CENPQ: variants seen among roughly 807,000 people sequenced by gnomAD.
CENPQ encodes the protein centromere protein Q.
In CENPQ, 27 loss-of-function variants were observed where a neutral mutation model predicts 36.6. The observed-to-expected ratio is 0.74, with a 90% CI of 0.54 to 1.02. The LOEUF (loss-of-function observed/expected upper bound fraction) is 1.02. CENPQ is among the 50% of genes least tolerant of loss of function. The pLI, the probability that CENPQ is intolerant of heterozygous loss-of-function variation, is 0.00. For synonymous variants in CENPQ, 101 were observed against 101.7 expected (o/e 0.99, Z 0.04); for missense variants, 306 against 301.8 (o/e 1.01, Z -0.10).
At chr6:49,471,388 T>G (rs1768129805) in intron 3 of CENPQ, among the ~76,000 whole-genome samples, 2 of 152,198 alleles carry the variant, frequency 1.3e-5, no homozygotes, top group South Asian at 4.1e-4. Context: ...GGAACCATTA[T>G]TATAAGTTTG....
At chr6:49,471,609 G>T (rs758800425) in intron 3 of CENPQ, among the ~76,000 whole-genome samples, 1 of 152,000 alleles carries the variant, frequency 6.6e-6, no homozygotes, top group African/African-American at 2.4e-5. Context: ...ATGAGATCCA[G>T]TACTATTTCT....
intron 6 of CENPQ, among the ~76,000 whole-genome samples, chr6:49,483,206 T>G (rs951404061): frequency 1.3e-5 from 2 of 151,640 alleles, no homozygotes; most frequent in Non-Finnish European, 2.9e-5. Flanking sequence ...GAATGGTGCA[T>G]TCACAAACCC....
At chr6:49,468,604 CAAGT>C (rs1385154108) in intron 1 of CENPQ, among the ~76,000 whole-genome samples, 2 of 151,948 alleles carry the variant, frequency 1.3e-5, no homozygotes, top group East Asian at 1.9e-4. Flanking sequence ...AAAAAAAAAG[CAAGT>C]GTTTCTAAGC....
rs541811843 is a variant in CENPQ, at chr6:49,487,168, A to AAAAAAAGATGGTCCTGAGTTG, written c.478-1183_478-1182insAAAAAGATGGTCCTGAGTTGA. Among the ~76,000 whole-genome samples the AAAAAAAGATGGTCCTGAGTTG allele has an allele frequency of 1.8e-4, 13 of 72,352 alleles. 3 individuals are homozygous for AAAAAAAGATGGTCCTGAGTTG. The highest frequency in any genetic ancestry group is 4.7e-4 in the African/African-American group (10 of 21,468). 47.5% of individuals were successfully genotyped at this position (72,352 alleles called of 152,430 possible). On this transcript the variant is annotated intron_variant, in intron 6 of 8. Transcript: ENST00000335783. ...AACTCCATCTCAAAAAAAAAAAAAA[A>AAAAAAAGATGGTCCTGAGTTG]ATAAAAAAAATAAAAACAGAGTCTG...
At chr6:49,489,849 G>T (rs767430463) in intron 8 of CENPQ, among the ~76,000 whole-genome samples, 3 of 152,186 alleles carry the variant, frequency 2.0e-5, no homozygotes, top group Non-Finnish European at 4.4e-5. Context: ...TCTTTTCTGA[G>T]CAGTAGCTCT....
At chr6:49,470,055 G>T in intron 1 of CENPQ, 104 bp from the exon 2 acceptor site, 15 of 477,794 alleles carry the variant, frequency 3.1e-5, no homozygotes, top group Non-Finnish European at 5.1e-5. Context: ...AAAAAAAAGA[G>T]AATGTGGAAC....
At chr6:49,470,788 CT>C (rs1288889833) in intron 2 of CENPQ, among the ~76,000 whole-genome samples, 185 bp from the exon 3 acceptor site, 13 of 152,034 alleles carry the variant, frequency 8.6e-5, no homozygotes, top group Admixed American at 8.5e-4. Context: ...TCAAGAATTG[CT>C]TTAGTATGTC....
intron 8 of CENPQ, among the ~76,000 whole-genome samples, chr6:49,488,987 T>C (rs1768657302): frequency 6.6e-6 from 1 of 152,198 alleles, no homozygotes. Context: ...TGGAGGGTCT[T>C]GCCTCAATGT....
intron 5 of CENPQ, 145 bp from the exon 6 acceptor site, chr6:49,480,806 G>A (rs1768408688): frequency 7.3e-6 from 3 of 409,394 alleles, no homozygotes; most frequent in Admixed American, 4.3e-5. Context: ...TTTTAGAGGG[G>A]GAGATTTACT....
rs759273258 is a variant in CENPQ at position 49,481,090 on chromosome 6, T to A, written c.477+10T>A. 2.3e-5 allele frequency: 36 copies of A among 1,585,440 alleles called. No individual in the cohort carries two copies. On this transcript the variant is annotated intron_variant, in intron 6 of 8. Coordinates refer to ENST00000335783, the MANE Select transcript of CENPQ (RefSeq NM_018132.4). ...TCTGGCATTACTACAGGTATGAAAT[T>A]TGAATAGGGAATCCATAATTAGAGA...
In CENPQ at chr6:49,488,602, T is replaced by C; in HGVS notation, c.598-5T>C. ...GAAATAATCTGTAGCTTTCTTCTACTTTAGATGCATCAAATAAATAGTAGT... is the reference window on the plus strand; with the variant it reads ...GAAATAATCTGTAGCTTTCTTCTACCTTAGATGCATCAAATAAATAGTAGT... On this transcript the variant is annotated splice_polypyrimidine_tract_variant and splice_region_variant and intron_variant, in intron 7 of 8. Transcript: ENST00000335783. The C allele has an allele frequency of 6.2e-7, 1 of 1,612,120 alleles. No individual in the cohort carries two copies. The highest frequency in any genetic ancestry group is 8.5e-7 in the Non-Finnish European group (1 of 1,178,234).
chr6:49,481,213 T>C (rs534064418), intron 6 of CENPQ, 133 bp downstream of exon 6: 1 of 780,532 alleles, frequency 1.3e-6, no homozygotes, highest in African/African-American at 1.8e-5. Context: ...CATTAAATTG[T>C]TTTTTTGTTG....
intron 6 of CENPQ, 67 bp downstream of exon 6, chr6:49,481,147 A>T (rs1768419391): frequency 1.5e-6 from 2 of 1,312,496 alleles, no homozygotes; most frequent in African/African-American, 1.5e-5. Context: ...CAAAGTTTTT[A>T]AAATTATCAT....
At chr6:49,469,710 C>G (rs1352282621) in intron 1 of CENPQ, among the ~76,000 whole-genome samples, 4 of 152,020 alleles carry the variant, frequency 2.6e-5, no homozygotes, top group Admixed American at 2.0e-4. Flanking sequence ...CCATTTTTGG[C>G]AAAAATTGGG....
In CENPQ at chr6:49,488,790, CA is replaced by C. The variant is rs535758644; in HGVS notation, c.675+109del. The stretch of plus-strand genomic sequence containing the variant: ...AAATACTGCAATAACGCAAGTCACA[CA>C]AATGTTTTGGTTTCCCACGGCATAT... On this transcript the variant is annotated intron_variant, in intron 8 of 8. Transcript: ENST00000335783. 164 of 877,362 alleles carry C rather than the reference CA, an allele frequency of 1.9e-4. No individual in the cohort carries two copies. The African/African-American group carries it at 2.5e-3, about 13-fold the overall frequency. The allele number at this position is 877,362 out of a possible 1,614,324, so 54.3% of individuals were successfully genotyped here.
intron 1 of CENPQ, among the ~76,000 whole-genome samples, chr6:49,466,468 A>G (rs1381328028): frequency 6.6e-6 from 1 of 152,232 alleles, no homozygotes; most frequent in African/African-American, 2.4e-5. Context: ...AAAAAGAGTT[A>G]TGCCTGTACA....
At chr6:49,471,088 T>G in intron 3 of CENPQ, 60 bp downstream of exon 3, 1 of 1,008,802 alleles carries the variant, frequency 9.9e-7, no homozygotes, top group Non-Finnish European at 1.4e-6. Flanking sequence ...TCTACATTCG[T>G]GAAAAAATGT....
intron 2 of CENPQ, among the ~76,000 whole-genome samples, chr6:49,470,547 G>A (rs376899843): frequency 9.3e-5 from 14 of 150,792 alleles, no homozygotes; most frequent in African/African-American, 2.4e-4. Context: ...GCTTGAACCC[G>A]GGAGGCAGAG....
chr6:49,474,773 TAAGAA>T (rs905299819), intron 5 of CENPQ, among the ~76,000 whole-genome samples: 3 of 150,676 alleles, frequency 2.0e-5, no homozygotes, highest in Admixed American at 6.6e-5. Context: ...GCAAGACTAA[TAAGAA>T]AAGAGAGAAG....
Sources: allele counts gnomAD v4.1 joint callset (sites outside exome capture counted in the v4.1 genomes callset), GRCh38; gene constraint gnomAD v4.1.1; transcripts MANE v1.5; gene names NCBI Gene and HGNC (gene_info 2026-07-23, HGNC 2026-07-21).